The following GPC6 variants were observed in gnomAD, a reference collection of about 807,000 sequenced individuals.
GPC6 encodes the protein glypican 6, also known as glypican-6.
GPC6 carries 14 observed loss-of-function variants against 55.2 expected under a neutral mutation model. That is an observed-to-expected ratio of 0.25 (90% CI 0.17 to 0.40). The LOEUF is 0.40. Among genes scored for constraint, GPC6 ranks in the 10% least tolerant of loss-of-function variants. GPC6 has a pLI of 1.00. For synonymous variants in GPC6, 278 were observed against 259.6 expected (o/e 1.07, Z -0.68); for missense variants, 641 against 708.5 (o/e 0.90, Z 1.08).
At chr13:93,950,068 G>T (rs1410460275) in intron 3 of GPC6, among the ~76,000 whole-genome samples, 3 of 152,304 alleles carry the variant, frequency 2.0e-5, no homozygotes, top group Non-Finnish European at 4.4e-5. Flanking sequence ...GATGAAATTT[G>T]TCTGAAAATA....
intron 2 of GPC6, among the ~76,000 whole-genome samples, chr13:93,655,523 A>G (rs918883826): frequency 6.6e-6 from 1 of 152,216 alleles, no homozygotes; most frequent in African/African-American, 2.4e-5. Flanking sequence ...GATCCCAGTT[A>G]CAAACACACC....
intron 1 of GPC6, among the ~76,000 whole-genome samples, chr13:93,239,078 G>C (rs1332720746): frequency 6.6e-6 from 1 of 151,728 alleles, no homozygotes; most frequent in Admixed American, 6.6e-5. Flanking sequence ...TCCTGACTTG[G>C]GTATCAGGGT....
intron 1 of GPC6, among the ~76,000 whole-genome samples, chr13:93,491,769 A>G (rs1404495103): frequency 2.3e-5 from 3 of 128,742 alleles, no homozygotes; most frequent in African/African-American, 8.7e-5. Flanking sequence ...ACCATTTATT[A>G]AATAGGGAAT....
At chr13:93,427,783 G>A (rs920404124) in intron 1 of GPC6, among the ~76,000 whole-genome samples, 1 of 152,140 alleles carries the variant, frequency 6.6e-6, no homozygotes, top group East Asian at 1.9e-4. Flanking sequence ...AGTCCGTTCA[G>A]TGCAAAATGA....
chr13:94,122,088 G>T (rs1256810025), intron 4 of GPC6, among the ~76,000 whole-genome samples: 2 of 151,778 alleles, frequency 1.3e-5, no homozygotes, highest in African/African-American at 4.8e-5. Context: ...TGCTTGGAGG[G>T]GTAAGAAATA....
intron 3 of GPC6, among the ~76,000 whole-genome samples, chr13:93,832,848 C>G (rs568719443): frequency 1.8e-3 from 271 of 152,290 alleles, no homozygotes; most frequent in African/African-American, 6.3e-3. Flanking sequence ...TGTATTCTCT[C>G]TCCCACTGAT....
intron 2 of GPC6, among the ~76,000 whole-genome samples, chr13:93,548,889 G>T (rs911949099): frequency 1.3e-5 from 2 of 152,142 alleles, no homozygotes; most frequent in Non-Finnish European, 2.9e-5. Context: ...AAAATGTCAT[G>T]ATAAAAGTCT....
At chr13:93,859,480 G>A (rs555764394) in intron 3 of GPC6, among the ~76,000 whole-genome samples, 2 of 151,712 alleles carry the variant, frequency 1.3e-5, no homozygotes, top group South Asian at 4.1e-4. Context: ...GTAAAAGAAA[G>A]GAATATTTGG....
intron 2 of GPC6, among the ~76,000 whole-genome samples, chr13:93,624,864 A>T (rs1879135513): frequency 6.6e-6 from 1 of 152,244 alleles, no homozygotes; most frequent in Non-Finnish European, 1.5e-5. Context: ...ACTAAAAGCA[A>T]GGAGTTTCAA....
chr13:93,887,854 TA>T (rs1875437361), intron 3 of GPC6, among the ~76,000 whole-genome samples: 1 of 152,068 alleles, frequency 6.6e-6, no homozygotes, highest in Admixed American at 6.6e-5. Flanking sequence ...TATCTACAAC[TA>T]AAAATATAAT....
intron 4 of GPC6, among the ~76,000 whole-genome samples, chr13:94,196,076 AAAAG>A (rs1889563697): frequency 6.6e-6 from 1 of 152,206 alleles, no homozygotes; most frequent in African/African-American, 2.4e-5. Context: ...CTTTGTAGTC[AAAAG>A]ATAGATGGCC....
At chr13:94,054,314 G>A (rs1030572349) in intron 4 of GPC6, among the ~76,000 whole-genome samples, 1 of 152,208 alleles carries the variant, frequency 6.6e-6, no homozygotes, top group Non-Finnish European at 1.5e-5. Flanking sequence ...GCAAAGCCCA[G>A]CCTCTGTGCC....
At chr13:93,818,631 G>T (rs1886943606) in intron 2 of GPC6, 2 of 152,236 alleles carry the variant, frequency 1.3e-5, no homozygotes, top group African/African-American at 4.8e-5. Flanking sequence ...GAGAGAGAGT[G>T]CTGGGTGCTG....
chr13:93,735,157 C>A (rs1207177008), intron 2 of GPC6, among the ~76,000 whole-genome samples: 2 of 151,968 alleles, frequency 1.3e-5, no homozygotes, highest in South Asian at 2.1e-4. Context: ...AAACAAGGAG[C>A]CTATAATAAT....
chr13:94,350,301 C>A (rs1421383071), intron 6 of GPC6, among the ~76,000 whole-genome samples: 2 of 152,062 alleles, frequency 1.3e-5, no homozygotes, highest in African/African-American at 4.8e-5. Flanking sequence ...AGTGCTCAGT[C>A]TGCACCCCAG....
At chr13:93,821,413 G>T (rs928727189) in intron 2 of GPC6, among the ~76,000 whole-genome samples, 2 of 152,124 alleles carry the variant, frequency 1.3e-5, no homozygotes, top group African/African-American at 4.8e-5. Flanking sequence ...TATAGGAAAG[G>T]TAAGCAGATT....
Position 94,185,448 on chromosome 13 carries a change from C to T in GPC6, c.878-100901C>T, listed in dbSNP as rs75523718. 2.7e-3 allele frequency among the ~76,000 whole-genome samples: 411 copies of T among 152,020 alleles called. 2 individuals are homozygous for T. The highest frequency in any genetic ancestry group is 9.5e-3 in the African/African-American group (396 of 41,498). ...CAATCAGGTAACTTTATGACATAGA[C>T]AACGTGTACATAGACACATTATTTT... On this transcript the variant is annotated intron_variant, in intron 4 of 8. Transcript: ENST00000377047.
At chr13:93,264,045 G>A (rs1877242388) in intron 1 of GPC6, among the ~76,000 whole-genome samples, 1 of 152,038 alleles carries the variant, frequency 6.6e-6, no homozygotes, top group Non-Finnish European at 1.5e-5. Context: ...GCCTATCCCT[G>A]CTTGATGCTA....
intron 2 of GPC6, among the ~76,000 whole-genome samples, chr13:93,603,982 G>A (rs1295589080): frequency 6.6e-6 from 1 of 152,148 alleles, no homozygotes; most frequent in Non-Finnish European, 1.5e-5. Context: ...GGAGAATACA[G>A]ACAAAATTCT....
Sources: gnomAD v4.1 joint callset for allele counts (sites outside exome capture counted in the v4.1 genomes callset) on GRCh38, gnomAD v4.1.1 for gene constraint, MANE v1.5 for transcripts, NCBI Gene and HGNC (gene_info 2026-07-23, HGNC 2026-07-21) for gene names.